The following CSMD1 variants were observed in gnomAD, a reference collection of about 807,000 sequenced individuals.
The protein encoded by CSMD1 is CUB and Sushi multiple domains 1.
A neutral mutation model predicts 417.5 loss-of-function variants in CSMD1; 213 were observed. The ratio of observed to expected loss-of-function variants is 0.51; its 90% CI spans 0.46 to 0.57. The LOEUF (loss-of-function observed/expected upper bound fraction) is 0.57, where lower values mean the gene tolerates loss of function less well. Ranked by LOEUF, CSMD1 falls within the 20% of genes least tolerant of loss-of-function variation. The probability of loss-of-function intolerance (pLI) is 0.00; values close to 1 mark genes in which losing one functional copy is unlikely to be tolerated. For missense variants in CSMD1, 6,923 were observed against 4,529.7 expected (o/e 1.53, Z -15.17); for synonymous variants, 2,862 against 1,736.8 (o/e 1.65, Z -16.11).
chr8:4,433,321 C>T (rs1421171208), intron 2 of CSMD1, among the ~76,000 whole-genome samples: 2 of 152,170 alleles, frequency 1.3e-5, no homozygotes, highest in African/African-American at 2.4e-5. Context: ...AAACTGGTCC[C>T]TGGCACCAGA....
intron 41 of CSMD1, among the ~76,000 whole-genome samples, chr8:3,136,694 G>A (rs1818118210): frequency 6.6e-6 from 1 of 152,114 alleles, no homozygotes; most frequent in East Asian, 1.9e-4. Context: ...TTGCACACAT[G>A]GGTAGGACCA....
At chr8:3,432,223 A>C (rs1353345894) in intron 12 of CSMD1, among the ~76,000 whole-genome samples, 1 of 152,188 alleles carries the variant, frequency 6.6e-6, no homozygotes, top group East Asian at 1.9e-4. Flanking sequence ...GAATATGACT[A>C]TGGAAAAATA....
intron 3 of CSMD1, among the ~76,000 whole-genome samples, chr8:4,037,520 T>C (rs1020752120): frequency 2.0e-5 from 3 of 152,250 alleles, no homozygotes; most frequent in African/African-American, 7.2e-5. Flanking sequence ...CACTTAATTT[T>C]AGAAGAATTT....
intron 1 of CSMD1, among the ~76,000 whole-genome samples, chr8:4,659,263 G>A (rs980521721): frequency 2.4e-5 from 2 of 82,214 alleles, no homozygotes; most frequent in Admixed American, 2.7e-4. Context: ...CATTAAAAAA[G>A]AAGAAAAGAT....
chr8:3,087,490 G>A (rs1814627003), intron 48 of CSMD1, among the ~76,000 whole-genome samples: 2 of 152,204 alleles, frequency 1.3e-5, no homozygotes, highest in African/African-American at 4.8e-5. Context: ...GAGATGATCT[G>A]CAGCTCTGAG....
At chr8:4,279,761 A>AACTCTAC (rs1796677962) in intron 3 of CSMD1, among the ~76,000 whole-genome samples, 2 of 152,198 alleles carry the variant, frequency 1.3e-5, no homozygotes, top group Non-Finnish European at 1.5e-5. Context: ...AAAAAAATAA[A>AACTCTAC]ACTCTACGTA....
intron 2 of CSMD1, among the ~76,000 whole-genome samples, chr8:4,553,924 G>C (rs1438805580): frequency 6.6e-6 from 1 of 152,096 alleles, no homozygotes; most frequent in Non-Finnish European, 1.5e-5. Context: ...GGTTCAGCTG[G>C]AATTGACCTC....
At chr8:3,129,853 T>C (rs1054839637) in intron 41 of CSMD1, among the ~76,000 whole-genome samples, 2 of 151,416 alleles carry the variant, frequency 1.3e-5, no homozygotes, top group African/African-American at 4.9e-5. Flanking sequence ...GCCGGGCATG[T>C]TGACACACAC....
intron 26 of CSMD1, among the ~76,000 whole-genome samples, chr8:3,256,800 T>C (rs1316717811): frequency 6.6e-6 from 1 of 152,228 alleles, no homozygotes; most frequent in African/African-American, 2.4e-5. Flanking sequence ...CATCTTTTCT[T>C]GTAAGAACAC....
At chr8:4,367,162 A>AT (rs1802122380) in intron 3 of CSMD1, among the ~76,000 whole-genome samples, 1 of 152,110 alleles carries the variant, frequency 6.6e-6, no homozygotes, top group Non-Finnish European at 1.5e-5. Context: ...GTTTTCTATG[A>AT]TTTTAATTGT....
chr8:3,493,750 G>A (rs528312857), intron 10 of CSMD1, 24 bp from the exon 11 acceptor site: 11 of 1,572,938 alleles, frequency 7.0e-6, no homozygotes, highest in South Asian at 3.5e-5. Context: ...ACGAAACAGT[G>A]ACTTAGAACA....
rs948650411 is a variant in CSMD1, at chr8:3,057,543, A to T, written c.7475-4896T>A. Among the ~76,000 whole-genome samples the T allele has an allele frequency of 9.4e-5, 11 of 117,436 alleles. No individual in the cohort carries two copies. In the Admixed American group the frequency reaches 9.8e-4, roughly 10 times the overall value. The allele number at this position is 117,436 out of a possible 152,430, so 77.0% of individuals were successfully genotyped here. A position where few individuals can be genotyped will look rare whatever the true frequency, so the allele number is the denominator to read the frequency against. On this transcript the variant is annotated intron_variant, in intron 49 of 69. Transcript: ENST00000635120. ...AAGTACATATGTGTAATTATGTCTT[A>T]TTTTATACATGATTTTATAGTTATA... is the stretch of plus-strand genomic sequence containing the variant.
intron 7 of CSMD1, among the ~76,000 whole-genome samples, chr8:3,699,547 G>T (rs1036298481): frequency 6.6e-6 from 1 of 152,086 alleles, no homozygotes; most frequent in Admixed American, 6.6e-5. Context: ...TATTTCTATG[G>T]ATTTCTATAT....
intron 1 of CSMD1, among the ~76,000 whole-genome samples, chr8:4,942,923 T>A (rs1808110536): frequency 6.6e-6 from 1 of 152,282 alleles, no homozygotes; most frequent in African/African-American, 2.4e-5. Flanking sequence ...ATGGTTTGGA[T>A]TAGGTTATAG....
intron 3 of CSMD1, among the ~76,000 whole-genome samples, chr8:4,135,602 A>G (rs182733045): frequency 6.6e-6 from 1 of 152,280 alleles, no homozygotes; most frequent in African/African-American, 2.4e-5. Flanking sequence ...ATCAAGAGGA[A>G]AATTTAGTTT....
intron 26 of CSMD1, among the ~76,000 whole-genome samples, chr8:3,239,630 T>C (rs1467419312): frequency 1.3e-5 from 2 of 152,228 alleles, no homozygotes; most frequent in South Asian, 2.1e-4. Flanking sequence ...GAGAAGTTAT[T>C]TCCTTGAGGA....
intron 46 of CSMD1, among the ~76,000 whole-genome samples, chr8:3,105,686 T>C (rs1485489789): frequency 6.6e-6 from 1 of 152,202 alleles, no homozygotes; most frequent in Non-Finnish European, 1.5e-5. Flanking sequence ...GCATGTTTCA[T>C]TTTTTATAAA....
chr8:4,385,200 T>C (rs914235744), intron 3 of CSMD1, among the ~76,000 whole-genome samples: 1 of 152,210 alleles, frequency 6.6e-6, no homozygotes, highest in African/African-American at 2.4e-5. Flanking sequence ...AGTGATGTGA[T>C]TACAGGCATG....
chr8:3,474,904 G>C (rs375663871), intron 11 of CSMD1, among the ~76,000 whole-genome samples: 1 of 152,234 alleles, frequency 6.6e-6, no homozygotes, highest in East Asian at 1.9e-4. Flanking sequence ...ATTTTTGATA[G>C]AGGAAAATAT....
Sources: allele counts gnomAD v4.1 joint callset (sites outside exome capture counted in the v4.1 genomes callset), GRCh38; gene constraint gnomAD v4.1.1; transcripts MANE v1.5; gene names NCBI Gene and HGNC (gene_info 2026-07-23, HGNC 2026-07-21).